The following CALU variants were observed in gnomAD, a reference collection of about 807,000 sequenced individuals.
CALU encodes IEF SSP 9302.
A neutral mutation model predicts 37.5 loss-of-function variants in CALU; 13 were observed. The observed-to-expected ratio is 0.35, with a 90% CI of 0.23 to 0.55. The LOEUF (loss-of-function observed/expected upper bound fraction) is 0.55. Among genes scored for constraint, CALU ranks in the 20% least tolerant of loss-of-function variants. The probability of loss-of-function intolerance (pLI) is 0.89; values close to 1 mark genes in which losing one functional copy is unlikely to be tolerated. For missense variants in CALU, 282 were observed against 391.7 expected (o/e 0.72, Z 2.36); for synonymous variants, 114 against 133.8 (o/e 0.85, Z 1.02).
At chr7:128,767,808 G>C (rs958696495) in intron 6 of CALU, among the ~76,000 whole-genome samples, 153 bp downstream of exon 6, 14 of 152,294 alleles carry the variant, frequency 9.2e-5, no homozygotes, top group African/African-American at 3.4e-4. Flanking sequence ...AAACCTTTCA[G>C]GGCAGCACTA....
intron 1 of CALU, among the ~76,000 whole-genome samples, chr7:128,740,145 A>T (rs972212951): frequency 2.0e-5 from 3 of 152,194 alleles, no homozygotes; most frequent in African/African-American, 7.2e-5. Flanking sequence ...CTGCGGTCAG[A>T]AATAAACTTA....
rs1801534960 is a variant in CALU at position 128,770,889 on chromosome 7, A to T, written c.*1722A>T. On this transcript the variant is annotated 3_prime_UTR_variant, in exon 7 of 7. Coordinates refer to ENST00000249364, the MANE Select transcript of CALU (RefSeq NM_001219.5). Reference sequence around the variant, plus strand: ...GGGTGATTTATTATAATCTGAACCTAGGTATATCCTTTGGTCTTCCACAGT... The same window carrying T: ...GGGTGATTTATTATAATCTGAACCTTGGTATATCCTTTGGTCTTCCACAGT... 1.3e-5 allele frequency: 2 copies of T among 152,632 alleles called. No homozygotes were observed. The highest frequency in any genetic ancestry group is 6.5e-5 in the Admixed American group (1 of 15,280). The allele number at this position is 152,632 out of a possible 1,614,324, so 9.5% of individuals were successfully genotyped here. A position where few individuals can be genotyped will look rare whatever the true frequency, so the allele number is the denominator to read the frequency against.
chr7:128,762,065 T>G (rs1324397259), intron 5 of CALU, among the ~76,000 whole-genome samples: 1 of 151,946 alleles, frequency 6.6e-6, no homozygotes, highest in Non-Finnish European at 1.5e-5. Flanking sequence ...TTTGGAGAAG[T>G]TTATCAGGAC....
In CALU at chr7:128,769,804, T is replaced by C. The variant is rs1027306853; in HGVS notation, c.*637T>C. On this transcript the variant is annotated 3_prime_UTR_variant, in exon 7 of 7. Transcript: ENST00000249364. ...TGGCCCAAATTGATTTTCTTCTTTTTCCCCCTGTAGGACTGACTGTTGGCT... is the reference window on the plus strand; with the variant it reads ...TGGCCCAAATTGATTTTCTTCTTTTCCCCCCTGTAGGACTGACTGTTGGCT... 6.6e-6 allele frequency: 1 copy of C among 152,214 alleles called. No homozygotes were observed. The highest frequency in any genetic ancestry group is 2.4e-5 in the African/African-American group (1 of 41,424). 9.4% of individuals were successfully genotyped at this position (152,214 alleles called of 1,614,324 possible).
Position 128,770,881 on chromosome 7 carries a change from C to T in CALU, c.*1714C>T, listed in dbSNP as rs1801534719. The stretch of plus-strand genomic sequence containing the variant: ...GTGGTGCTGGGTGATTTATTATAAT[C>T]TGAACCTAGGTATATCCTTTGGTCT... On this transcript the variant is annotated 3_prime_UTR_variant, in exon 7 of 7. Transcript: ENST00000249364. 6.6e-6 allele frequency: 1 copy of T among 152,618 alleles called. No individual in the cohort carries two copies. Among genetic ancestry groups the T allele is most frequent in the South Asian group, 2.1e-4 (1 of 4,834 alleles). 9.5% of individuals were successfully genotyped at this position (152,618 alleles called of 1,614,324 possible).
chr7:128,749,470 A>G (rs1356937077), intron 2 of CALU, among the ~76,000 whole-genome samples: 2 of 152,192 alleles, frequency 1.3e-5, no homozygotes, highest in Non-Finnish European at 2.9e-5. Flanking sequence ...TGGGGATCTG[A>G]GAATGTCTTT....
chr7:128,762,368 C>CTTTTTTTTTTT (rs547572221), intron 5 of CALU, among the ~76,000 whole-genome samples: 1 of 131,522 alleles, frequency 7.6e-6, no homozygotes, highest in Non-Finnish European at 1.6e-5. Context: ...TGCATGTGTG[C>CTTTTTTTTTTT]TTTTTTTTTT....
At position 128,769,374 on chromosome 7, in the gene CALU, C is replaced by A; in HGVS notation, c.*207C>A. On this transcript the variant is annotated 3_prime_UTR_variant, in exon 7 of 7. Coordinates refer to ENST00000249364, the MANE Select transcript of CALU (RefSeq NM_001219.5). ...CTGAGGAACAACTCTAATTAGTACA[C>A]TTGTGTTTGTAGATTTACACTTTGT... 4.7e-6 allele frequency: 2 copies of A among 422,942 alleles called. No homozygotes were observed. The highest frequency in any genetic ancestry group is 8.5e-6 in the Non-Finnish European group (2 of 234,660). 26.2% of individuals were successfully genotyped at this position (422,942 alleles called of 1,614,324 possible). A position where few individuals can be genotyped will look rare whatever the true frequency, so the allele number is the denominator to read the frequency against.
At position 128,772,769 on chromosome 7, in the gene CALU, T is replaced by G; in HGVS notation, c.*3602T>G. 2 of 1,439,780 alleles carry G rather than the reference T, an allele frequency of 1.4e-6. No homozygotes were observed. 89.2% of individuals were successfully genotyped at this position (1,439,780 alleles called of 1,614,324 possible). A position where few individuals can be genotyped will look rare whatever the true frequency, so the allele number is the denominator to read the frequency against. ...CTTGCACAATGCTTTGTACCCAGAA[T>G]GCCCTTAGGTGGTTTTGAATCTATC... On this transcript the variant is annotated 3_prime_UTR_variant, in exon 7 of 7. Transcript: ENST00000249364.
At chr7:128,767,044 C>G (rs1046786716) in intron 5 of CALU, among the ~76,000 whole-genome samples, 2 of 152,128 alleles carry the variant, frequency 1.3e-5, no homozygotes, top group Non-Finnish European at 2.9e-5. Flanking sequence ...GCGTGCTTGT[C>G]CCAACTGAAG....
chr7:128,767,929 A>C (rs2128883615), intron 6 of CALU, among the ~76,000 whole-genome samples: 1 of 152,244 alleles, frequency 6.6e-6, no homozygotes, highest in East Asian at 1.9e-4. Flanking sequence ...ATGCATCATC[A>C]GGTATTTTTA....
At chr7:128,744,038 TCTA>T (rs1434260778) in intron 1 of CALU, among the ~76,000 whole-genome samples, 2 of 152,080 alleles carry the variant, frequency 1.3e-5, no homozygotes, top group African/African-American at 2.4e-5. Context: ...AAACCCTGTA[TCTA>T]CTAAAAATAC....
At chr7:128,744,291 C>T (rs1039469532) in intron 1 of CALU, among the ~76,000 whole-genome samples, 8 of 152,100 alleles carry the variant, frequency 5.3e-5, no homozygotes, top group African/African-American at 1.7e-4. Flanking sequence ...CATCTTCCCA[C>T]GTAAGATATC....
At chr7:128,765,041 C>G (rs1801276653) in intron 5 of CALU, among the ~76,000 whole-genome samples, 1 of 152,048 alleles carries the variant, frequency 6.6e-6, no homozygotes, top group African/African-American at 2.4e-5. Context: ...CTCACCTCAG[C>G]TGGGACCACA....
intron 2 of CALU, among the ~76,000 whole-genome samples, chr7:128,752,003 C>T (rs1028484494): frequency 6.6e-6 from 1 of 152,156 alleles, no homozygotes. Context: ...CATAAATTTA[C>T]ACAGGCATTT....
At chr7:128,752,876 G>A (rs896888894) in intron 2 of CALU, among the ~76,000 whole-genome samples, 2 of 152,130 alleles carry the variant, frequency 1.3e-5, no homozygotes, top group Non-Finnish European at 2.9e-5. Context: ...GTAGAGACTG[G>A]GTTTCACCAT....
intron 5 of CALU, among the ~76,000 whole-genome samples, chr7:128,761,797 A>G (rs998895970): frequency 1.3e-5 from 2 of 152,210 alleles, no homozygotes; most frequent in Non-Finnish European, 1.5e-5. Context: ...GTTACCTGAA[A>G]TGTTTATTTG....
chr7:128,748,471 G>C (rs528665433), intron 1 of CALU, 102 bp from the exon 2 acceptor site: 2 of 1,162,280 alleles, frequency 1.7e-6, no homozygotes, highest in East Asian at 5.1e-5. Context: ...GCATAGATAT[G>C]TATATCAAAT....
chr7:128,741,728 G>A (rs1375427842), intron 1 of CALU, among the ~76,000 whole-genome samples: 2 of 152,182 alleles, frequency 1.3e-5, no homozygotes, highest in African/African-American at 2.4e-5. Flanking sequence ...CACATGCACA[G>A]CAAAATTACA....
Sources: allele counts gnomAD v4.1 joint callset (sites outside exome capture counted in the v4.1 genomes callset), GRCh38; gene constraint gnomAD v4.1.1; transcripts MANE v1.5; gene names NCBI Gene and HGNC (gene_info 2026-07-23, HGNC 2026-07-21).